ADK: variants seen among roughly 807,000 people sequenced by gnomAD.
The protein encoded by ADK is N6,N6-dimethyladenosine kinase.
A neutral mutation model predicts 44.7 loss-of-function variants in ADK; 24 were observed. The observed-to-expected ratio is 0.54, with a 90% CI of 0.39 to 0.76. ADK has a LOEUF of 0.76. Ranked by LOEUF, ADK falls within the 30% of genes least tolerant of loss-of-function variation. ADK has a pLI of 0.00. For synonymous variants in ADK, 128 were observed against 142.6 expected (o/e 0.90, Z 0.73); for missense variants, 321 against 425.1 (o/e 0.76, Z 2.15).
intron 3 of ADK, among the ~76,000 whole-genome samples, chr10:74,231,876 G>C (rs186369849): frequency 6.6e-6 from 1 of 152,108 alleles, no homozygotes; most frequent in Admixed American, 6.5e-5. Flanking sequence ...ATTGTAATAA[G>C]AGTTACCGTT....
At chr10:74,493,509 T>TATATAGATATAGATATAG (rs546832501) in intron 6 of ADK, among the ~76,000 whole-genome samples, 13 of 151,340 alleles carry the variant, frequency 8.6e-5, no homozygotes, top group African/African-American at 3.2e-4. Flanking sequence ...GAGATATAGA[T>TATATAGATATAGATATAG]ATATAGATAT....
chr10:74,682,820 C>T (rs887535386), intron 10 of ADK, among the ~76,000 whole-genome samples: 3 of 152,066 alleles, frequency 2.0e-5, no homozygotes, highest in Non-Finnish European at 4.4e-5. Context: ...ATGATCCACC[C>T]GCCTTGGCCT....
intron 9 of ADK, among the ~76,000 whole-genome samples, chr10:74,665,725 A>T (rs970484098): frequency 6.8e-6 from 1 of 146,434 alleles, no homozygotes; most frequent in Non-Finnish European, 1.5e-5. Context: ...GCAGAGTGAG[A>T]CCTTAGCTCT....
chr10:74,462,898 C>T (rs571795827), intron 6 of ADK, among the ~76,000 whole-genome samples: 66 of 152,214 alleles, frequency 4.3e-4, no homozygotes, highest in African/African-American at 1.5e-3. Context: ...AGATGACTCT[C>T]ATATAAAATT....
intron 2 of ADK, among the ~76,000 whole-genome samples, chr10:74,219,224 C>T (rs1358074647): frequency 6.6e-6 from 1 of 151,594 alleles, no homozygotes; most frequent in Non-Finnish European, 1.5e-5. Flanking sequence ...CAATCCTAGT[C>T]TCTGATAAAA....
At chr10:74,239,839 G>A (rs1366833902) in intron 3 of ADK, among the ~76,000 whole-genome samples, 1 of 151,650 alleles carries the variant, frequency 6.6e-6, no homozygotes, top group East Asian at 1.9e-4. Context: ...ATATTAGTGG[G>A]TATAATTATT....
chr10:74,218,110 A>G (rs557161659), intron 2 of ADK, among the ~76,000 whole-genome samples: 16 of 152,314 alleles, frequency 1.1e-4, no homozygotes, highest in African/African-American at 3.6e-4. Context: ...CAAAGAAGTT[A>G]AAAACTTTGA....
At chr10:74,412,402 A>G (rs950410711) in intron 6 of ADK, among the ~76,000 whole-genome samples, 1 of 152,156 alleles carries the variant, frequency 6.6e-6, no homozygotes, top group Non-Finnish European at 1.5e-5. Context: ...CGGCCTCCCA[A>G]AGCGCTGGGA....
intron 9 of ADK, among the ~76,000 whole-genome samples, chr10:74,669,247 C>T (rs1468038741): frequency 1.3e-5 from 2 of 152,276 alleles, no homozygotes; most frequent in East Asian, 3.9e-4. Context: ...CTCAAGATCT[C>T]CTTTTGCCTC....
chr10:74,435,657 A>G (rs568839957), intron 6 of ADK, among the ~76,000 whole-genome samples: 5 of 152,320 alleles, frequency 3.3e-5, no homozygotes, highest in South Asian at 4.1e-4. Flanking sequence ...CTATTTGACA[A>G]GGACAAAAGG....
intron 3 of ADK, among the ~76,000 whole-genome samples, chr10:74,302,590 C>A (rs913399932): frequency 6.6e-6 from 1 of 151,938 alleles, no homozygotes; most frequent in East Asian, 2.0e-4. Flanking sequence ...TCCAGGAGTT[C>A]AAAACCAGCC....
chr10:74,424,174 C>G (rs1371551536), intron 6 of ADK, among the ~76,000 whole-genome samples: 1 of 152,212 alleles, frequency 6.6e-6, no homozygotes, highest in Non-Finnish European at 1.5e-5. Flanking sequence ...CCCCCCACCC[C>G]TGGTGGTATC....
chr10:74,256,986 A>G (rs1383318587), intron 3 of ADK, among the ~76,000 whole-genome samples: 1 of 152,210 alleles, frequency 6.6e-6, no homozygotes, highest in East Asian at 1.9e-4. Flanking sequence ...GTAAACCAAA[A>G]TGAGTTACTG....
At chr10:74,154,982 C>T (rs1841707875) in intron 1 of ADK, among the ~76,000 whole-genome samples, 1 of 152,140 alleles carries the variant, frequency 6.6e-6, no homozygotes, top group Non-Finnish European at 1.5e-5. Flanking sequence ...ATCCTGAAAG[C>T]CCATATCATT....
At chr10:74,498,091 G>A (rs370636819) in intron 6 of ADK, among the ~76,000 whole-genome samples, 7 of 152,080 alleles carry the variant, frequency 4.6e-5, no homozygotes, top group South Asian at 2.1e-4. Flanking sequence ...GGATTTCACC[G>A]TGTTAGCCAG....
intron 9 of ADK, among the ~76,000 whole-genome samples, chr10:74,645,570 C>G (rs577275070): frequency 6.6e-6 from 1 of 151,838 alleles, no homozygotes; most frequent in Non-Finnish European, 1.5e-5. Context: ...GTTTTGTGAC[C>G]CCTGAATGAT....
chr10:74,180,915 T>G (rs1280538820), intron 1 of ADK, among the ~76,000 whole-genome samples: 1 of 152,252 alleles, frequency 6.6e-6, no homozygotes, highest in East Asian at 1.9e-4. Context: ...GATACTAATA[T>G]GCATCCTACC....
chr10:74,293,479 G>A (rs1299107430), intron 3 of ADK, among the ~76,000 whole-genome samples: 1 of 152,070 alleles, frequency 6.6e-6, no homozygotes, highest in Non-Finnish European at 1.5e-5. Flanking sequence ...TAGTACTAAT[G>A]AACTACTCTC....
chr10:74,665,765 GAGAGAGAGAGAGAGAGACAGAC>G (rs902180434), intron 9 of ADK, among the ~76,000 whole-genome samples: 5 of 148,916 alleles, frequency 3.4e-5, no homozygotes, highest in African/African-American at 1.3e-4. Flanking sequence ...GAGAGAGAGA[GAGAGAGAGAGAGAGAGACAGAC>G]AGACAGAAGG....
Sources: allele counts gnomAD v4.1 joint callset (sites outside exome capture counted in the v4.1 genomes callset), GRCh38; gene constraint gnomAD v4.1.1; transcripts MANE v1.5; gene names NCBI Gene and HGNC (gene_info 2026-07-23, HGNC 2026-07-21).